The following LSG1 variants were observed in gnomAD, a reference collection of about 807,000 sequenced individuals.
LSG1 encodes large 60S subunit nuclear export GTPase 1.
A neutral mutation model predicts 82.6 loss-of-function variants in LSG1; 55 were observed. The observed-to-expected ratio is 0.67, with a 90% confidence interval of 0.54 to 0.83. The LOEUF is 0.83. Among genes scored for constraint, LSG1 ranks in the 40% least tolerant of loss-of-function variants. The probability of loss-of-function intolerance (pLI) is 0.00; values close to 1 mark genes in which losing one functional copy is unlikely to be tolerated. For missense variants in LSG1, 809 were observed against 807.9 expected, an observed-to-expected ratio of 1.00 and a Z score of -0.02; for synonymous variants, 272 against 282.5, an observed-to-expected ratio of 0.96 and a Z score of 0.37.
intron 12 of LSG1, chr3:194,645,535 GACACACACACACACACACACACACACAC>G (rs61447438): frequency 2.9e-5 from 1 of 34,962 alleles, no homozygotes; most frequent in Admixed American, 3.2e-4. Context: ...CACACAGACA[GACACACACACACACACACACACACACAC>G]ACACACAGAC....
chr3:194,656,926 C>T (rs563315914), intron 7 of LSG1, among the ~76,000 whole-genome samples: 1 of 151,944 alleles, frequency 6.6e-6, no homozygotes, highest in Admixed American at 6.6e-5. Context: ...CATATTCTCA[C>T]TCATAGGTGG....
At chr3:194,649,996 T>C (rs575881390) in intron 10 of LSG1, among the ~76,000 whole-genome samples, 2 of 151,878 alleles carry the variant, frequency 1.3e-5, no homozygotes, top group African/African-American at 4.8e-5. Flanking sequence ...CTCAGCTCAC[T>C]GCAACCTCCG....
At chr3:194,647,276 T>C (rs966639028) in intron 11 of LSG1, among the ~76,000 whole-genome samples, 4 of 152,222 alleles carry the variant, frequency 2.6e-5, no homozygotes, top group African/African-American at 9.6e-5. Flanking sequence ...ATTAAAATTG[T>C]CAACTTCTTT....
intron 8 of LSG1, among the ~76,000 whole-genome samples, chr3:194,651,910 CTCTTT>C (rs1201789244): frequency 6.6e-6 from 1 of 152,160 alleles, no homozygotes; most frequent in African/African-American, 2.4e-5. Flanking sequence ...CCACAGACAG[CTCTTT>C]TAACTACTGC....
chr3:194,645,226 T>C (rs1659278640), intron 12 of LSG1: 1 of 152,456 alleles, frequency 6.6e-6, no homozygotes, highest in Admixed American at 6.5e-5. Context: ...TTACCTCATC[T>C]TTACATCCTC....
chr3:194,658,435 C>CGGT (rs1376082754), intron 7 of LSG1, among the ~76,000 whole-genome samples: 6 of 152,278 alleles, frequency 3.9e-5, no homozygotes, highest in Admixed American at 3.9e-4. Context: ...GAGTGAGCCA[C>CGGT]GGCACCTGGC....
rs1288675327 is a variant in LSG1, at chr3:194,640,999, T to TATCAGGAGA, written c.*1060_*1068dup. ...GCAACCAGATGTGATGAGGACTCAA[T>TATCAGGAGA]ATCAGGAGAACAGCACTGAGCGGGT... On this transcript the variant is annotated 3_prime_UTR_variant, in exon 14 of 14. Coordinates refer to ENST00000265245, the MANE Select transcript of LSG1 (RefSeq NM_018385.3). 4 of 152,192 alleles carry TATCAGGAGA rather than the reference T, an allele frequency of 2.6e-5. No individual in the cohort carries two copies. Among genetic ancestry groups the TATCAGGAGA allele is most frequent in the Admixed American group, 1.3e-4 (2 of 15,276 alleles). 9.4% of individuals were successfully genotyped at this position (152,192 alleles called of 1,614,324 possible).
chr3:194,653,144 T>C lies in LSG1; in HGVS notation c.760-2A>G. ...TCTATCATCTCTGTTTGCCTCTTCC[T>C]GACAAAATAATAGAAACGCTCAGAA... On this transcript the variant is annotated splice_acceptor_variant, in intron 7 of 13. Transcript: ENST00000265245. LOFTEE classifies it high-confidence loss of function. The C allele has an allele frequency of 6.2e-7, 1 of 1,611,252 alleles. No homozygotes were observed. The highest frequency in any genetic ancestry group is 8.5e-7 in the Non-Finnish European group (1 of 1,178,298).
At chr3:194,671,911 G>GCA in intron 1 of LSG1, 153 bp downstream of exon 1, 1 of 701,884 alleles carries the variant, frequency 1.4e-6, no homozygotes, top group South Asian at 1.5e-5. Context: ...GCCAGGAGGA[G>GCA]GGCCTGCTAC....
At position 194,651,144 on chromosome 3, in the gene LSG1, C is replaced by A. The variant is rs949912813; in HGVS notation, c.1246G>T (p.Ala416Ser). 1 of 1,614,208 alleles carries A rather than the reference C, an allele frequency of 6.2e-7. No individual in the cohort carries two copies. The highest frequency in any genetic ancestry group is 1.3e-5 in the African/African-American group (1 of 75,056). Residue 416 changes from alanine to serine, a missense_variant, in exon 9 of 14, where the codon GCC becomes TCC. By Grantham distance (99) the Ala-to-Ser change is moderately conservative. Coordinates refer to ENST00000265245, the MANE Select transcript of LSG1 (RefSeq NM_018385.3). ...IMGNKKVSVS[A>S]TPGHTKHFQT... is the part of the protein sequence containing the mutation. ...AAGTGCTTTGTGTGACCAGGTGTGG[C>A]AGACACAGATACTTTCTTGTTGCCC...
At chr3:194,646,927 T>A (rs1271975625) in intron 11 of LSG1, among the ~76,000 whole-genome samples, 1 of 152,246 alleles carries the variant, frequency 6.6e-6, no homozygotes, top group East Asian at 1.9e-4. Flanking sequence ...TACTGAATGA[T>A]GTACCTACAT....
chr3:194,664,000 T>C (rs1718982804), intron 5 of LSG1, among the ~76,000 whole-genome samples: 1 of 152,062 alleles, frequency 6.6e-6, no homozygotes, highest in South Asian at 2.1e-4. Flanking sequence ...GGAGACAGAG[T>C]CTTGCTCTGT....
intron 7 of LSG1, among the ~76,000 whole-genome samples, chr3:194,658,177 C>G (rs1378020614): frequency 2.6e-5 from 4 of 152,090 alleles, no homozygotes. Context: ...GACAGAGTTT[C>G]GCTCTTGTTG....
intron 1 of LSG1, among the ~76,000 whole-genome samples, chr3:194,671,455 A>G (rs113103771): frequency 4.6e-5 from 7 of 152,138 alleles, no homozygotes; most frequent in African/African-American, 1.7e-4. Flanking sequence ...AGCACTCAAC[A>G]TGTTCTCATT....
chr3:194,656,884 A>T (rs1193780988), intron 7 of LSG1, among the ~76,000 whole-genome samples: 2 of 152,196 alleles, frequency 1.3e-5, no homozygotes, highest in Non-Finnish European at 2.9e-5. Context: ...CATTCTCAGC[A>T]AACTATTGCA....
At chr3:194,653,268 A>C in intron 7 of LSG1, 126 bp from the exon 8 acceptor site, 1 of 961,266 alleles carries the variant, frequency 1.0e-6, no homozygotes, top group Middle Eastern at 2.2e-4. Context: ...TAATCCCAGC[A>C]CTTTGGGAGG....
chr3:194,670,519 T>A (rs2108623700), intron 1 of LSG1, among the ~76,000 whole-genome samples: 1 of 152,254 alleles, frequency 6.6e-6, no homozygotes. Flanking sequence ...AATCCCACAA[T>A]AAGAAATACA....
chr3:194,644,934 G>T, intron 12 of LSG1, 188 bp from the exon 13 acceptor site: 2 of 420,754 alleles, frequency 4.8e-6, no homozygotes, highest in Non-Finnish European at 4.2e-6. Flanking sequence ...GTGTTCTAGA[G>T]ACCTAGCTCT....
chr3:194,653,192 C>A, intron 7 of LSG1, 50 bp from the exon 8 acceptor site: 1 of 1,544,898 alleles, frequency 6.5e-7, no homozygotes, highest in South Asian at 1.2e-5. Flanking sequence ...AGTTTCCACT[C>A]TAGTAAAAAT....
Sources: allele counts gnomAD v4.1 joint callset (sites outside exome capture counted in the v4.1 genomes callset), GRCh38; gene constraint gnomAD v4.1.1; transcripts MANE v1.5; gene names NCBI Gene and HGNC (gene_info 2026-07-23, HGNC 2026-07-21).